The following IPPK variants were observed in gnomAD, a reference collection of about 807,000 sequenced individuals.
IPPK encodes the protein IPK1 homolog.
In IPPK, 22 loss-of-function variants were observed where a neutral mutation model predicts 64.6. The ratio of observed to expected loss-of-function variants is 0.34; its 90% CI spans 0.24 to 0.49. IPPK has a LOEUF of 0.49. IPPK is among the 20% of genes least tolerant of loss of function. The pLI, the probability that IPPK is intolerant of heterozygous loss-of-function variation, is 0.99. For missense variants in IPPK, 532 were observed against 630.7 expected (o/e 0.84, Z 1.68); for synonymous variants, 262 against 247.2 (o/e 1.06, Z -0.56).
intron 11 of IPPK, among the ~76,000 whole-genome samples, chr9:92,632,838 G>C (rs1851869541): frequency 6.6e-6 from 1 of 152,144 alleles, no homozygotes; most frequent in Admixed American, 6.5e-5. Flanking sequence ...TCCCAAATGT[G>C]AGCCACAGAC....
At chr9:92,662,163 A>T (rs1053504610) in intron 1 of IPPK, among the ~76,000 whole-genome samples, 22 of 152,236 alleles carry the variant, frequency 1.4e-4, no homozygotes, top group African/African-American at 5.3e-4. Context: ...TACTCCTCTT[A>T]AAAAAAGTAT....
intron 3 of IPPK, 26 bp from the exon 4 acceptor site, chr9:92,652,665 AGT>A: frequency 7.3e-7 from 1 of 1,366,810 alleles, no homozygotes; most frequent in Non-Finnish European, 1.0e-6. Context: ...TGAAATTCTC[AGT>A]GTGAATTGCA....
At chr9:92,652,490 C>A in intron 4 of IPPK, 83 bp downstream of exon 4, 7 of 642,810 alleles carry the variant, frequency 1.1e-5, no homozygotes, top group South Asian at 2.6e-5. Context: ...AATGCATATA[C>A]CTAACATGGG....
chr9:92,631,346 C>T (rs1851842115), intron 11 of IPPK, among the ~76,000 whole-genome samples: 1 of 152,134 alleles, frequency 6.6e-6, no homozygotes, highest in African/African-American at 2.4e-5. Context: ...CAGGCATGCA[C>T]CACCATGCCT....
chr9:92,643,223 G>C (rs1390580070), intron 6 of IPPK, among the ~76,000 whole-genome samples: 4 of 152,224 alleles, frequency 2.6e-5, no homozygotes, highest in Admixed American at 2.0e-4. Flanking sequence ...ATAACATTTT[G>C]AAAGGCAACT....
intron 4 of IPPK, among the ~76,000 whole-genome samples, chr9:92,650,167 C>CA (rs1410107150): frequency 1.3e-5 from 2 of 149,808 alleles, no homozygotes; most frequent in Non-Finnish European, 3.0e-5. Flanking sequence ...ACTAAAAATA[C>CA]AAAAAATTAG....
chr9:92,664,757 C>T (rs1264412251), intron 1 of IPPK, among the ~76,000 whole-genome samples: 1 of 152,224 alleles, frequency 6.6e-6, no homozygotes. Context: ...TGGCCGGGCC[C>T]TAGGCACAGC....
At chr9:92,645,829 T>C (rs892889175) in intron 6 of IPPK, among the ~76,000 whole-genome samples, 1 of 152,038 alleles carries the variant, frequency 6.6e-6, no homozygotes, top group Non-Finnish European at 1.5e-5. Flanking sequence ...AAAGAATTCA[T>C]TGCTAGAAAA....
intron 2 of IPPK, among the ~76,000 whole-genome samples, chr9:92,658,078 C>G (rs1188149286): frequency 6.6e-6 from 1 of 152,202 alleles, no homozygotes; most frequent in Admixed American, 6.5e-5. Context: ...GCCTCCGCGA[C>G]TCGGTATGCA....
intron 6 of IPPK, among the ~76,000 whole-genome samples, chr9:92,645,909 T>C (rs1411923319): frequency 6.6e-6 from 1 of 151,676 alleles, no homozygotes; most frequent in Non-Finnish European, 1.5e-5. Flanking sequence ...GTAACTCAAA[T>C]CCACAGGAAG....
Position 92,669,917 on chromosome 9 carries a change from G to A in IPPK, c.72C>T (p.Ala24=), listed in dbSNP as rs1335780835. The change falls in exon 1 of 13, where the codon GCC becomes GCT. Residue 24 remains alanine (A), a synonymous_variant. Coordinates refer to ENST00000287996, the MANE Select transcript of IPPK (RefSeq NM_022755.6). ...CACGTCCACCGCTCACCTGCGCGTG[G>A]GCCACCACCAGGCTCTTATTGCCCT... ...HGEGNKSLVV[A]HAQRCVVLRF... is the part of the protein sequence containing the mutation. The A allele has an allele frequency of 1.2e-5, 19 of 1,611,566 alleles. No homozygotes were observed. Among genetic ancestry groups the A allele is most frequent in the Non-Finnish European group, 1.6e-5 (19 of 1,178,672 alleles).
intron 11 of IPPK, among the ~76,000 whole-genome samples, chr9:92,631,851 A>C (rs550492166): frequency 2.0e-4 from 30 of 152,240 alleles, no homozygotes; most frequent in Non-Finnish European, 4.3e-4. Flanking sequence ...GAACAGTCTG[A>C]TCACCACAGG....
chr9:92,667,136 C>CCT (rs1852616266), intron 1 of IPPK, among the ~76,000 whole-genome samples: 1 of 152,180 alleles, frequency 6.6e-6, no homozygotes, highest in African/African-American at 2.4e-5. Flanking sequence ...AAGCTGATGT[C>CCT]CTCTCAGAGA....
intron 4 of IPPK, among the ~76,000 whole-genome samples, chr9:92,652,090 A>C (rs932485782): frequency 2.4e-4 from 36 of 152,042 alleles, no homozygotes; most frequent in South Asian, 8.3e-4. Flanking sequence ...GTTTTCTGAT[A>C]CAGAGAATTG....
intron 12 of IPPK, chr9:92,617,681 G>A (rs745372797): frequency 1.2e-4 from 19 of 155,920 alleles, no homozygotes; most frequent in East Asian, 5.7e-4. Context: ...GGGGGTTACC[G>A]GGGGACCAGC....
rs1261907133 is a variant in IPPK at position 92,615,133 on chromosome 9, T to TGAAA, written c.*695_*698dup. On this transcript the variant is annotated 3_prime_UTR_variant, in exon 13 of 13. Transcript: ENST00000287996. Reference sequence around the variant, plus strand: ...AAGAACAGCTCATCTCCCCCTCATGTGAAAGATTAAATTGTAAAGCAAAAA... The same window carrying TGAAA: ...AAGAACAGCTCATCTCCCCCTCATGTGAAAGAAAGATTAAATTGTAAAGCAAAAA... 3 of 151,896 alleles carry TGAAA rather than the reference T, an allele frequency of 2.0e-5. No individual in the cohort carries two copies. Among genetic ancestry groups the TGAAA allele is most frequent in the African/African-American group, 7.3e-5 (3 of 41,268 alleles). 9.4% of individuals were successfully genotyped at this position (151,896 alleles called of 1,614,324 possible).
chr9:92,618,372 G>C (rs1851512881), intron 12 of IPPK: 2 of 456,588 alleles, frequency 4.4e-6, no homozygotes, highest in Admixed American at 4.7e-5. Flanking sequence ...TTCCCCGCAT[G>C]CTGGCTTTCC....
At chr9:92,626,378 C>A (rs77321934) in intron 11 of IPPK, among the ~76,000 whole-genome samples, 1,732 of 152,182 alleles carry the variant, frequency 0.011, 25 homozygotes, top group African/African-American at 0.038. Flanking sequence ...GCCCGGGTGA[C>A]AGAGCGAGAC....
chr9:92,652,516 C>A (rs1163980969), intron 4 of IPPK, 57 bp downstream of exon 4: 6 of 836,720 alleles, frequency 7.2e-6, no homozygotes, highest in Admixed American at 2.4e-5. Flanking sequence ...ATTTCAAACA[C>A]TTTTCAAATG....
Sources: allele counts gnomAD v4.1 joint callset (sites outside exome capture counted in the v4.1 genomes callset), GRCh38; gene constraint gnomAD v4.1.1; transcripts MANE v1.5; gene names NCBI Gene and HGNC (gene_info 2026-07-23, HGNC 2026-07-21).